Variants in KIAA0586 observed in about 807,000 individuals in gnomAD.
KIAA0586 encodes protein TALPID3.
KIAA0586 carries 144 observed loss-of-function variants against 169.8 expected under a neutral mutation model. The ratio of observed to expected loss-of-function variants is 0.85; its 90% CI spans 0.74 to 0.97. The LOEUF is 0.97. Ranked by LOEUF, KIAA0586 falls within the 50% of genes least tolerant of loss-of-function variation. KIAA0586 has a pLI of 0.00. For synonymous variants in KIAA0586, 625 were observed against 612.4 expected, an observed-to-expected ratio of 1.02 and a Z score of -0.30; for missense variants, 1,854 against 1,823.0, an observed-to-expected ratio of 1.02 and a Z score of -0.31.
At chr14:58,547,753 G>A (rs776720736) in intron 30 of KIAA0586, 28 bp from the exon 31 acceptor site, 1 of 1,591,088 alleles carries the variant, frequency 6.3e-7, no homozygotes, top group East Asian at 2.3e-5. Flanking sequence ...TACGCATGTT[G>A]AGCTGAATGA....
chr14:58,427,609 G>A, upstream of KIAA0586: 2 of 1,535,694 alleles, frequency 1.3e-6, no homozygotes, highest in Non-Finnish European at 1.7e-6. Flanking sequence ...GCACCAGAGA[G>A]CGCTTAGCTT....
Position 58,461,481 on chromosome 14 carries a change from C to G in KIAA0586, c.2059+321C>G, listed in dbSNP as rs188564550. 2.2e-4 allele frequency among the ~76,000 whole-genome samples: 33 copies of G among 151,912 alleles called. No homozygotes were observed. The East Asian group carries it at 6.2e-3, about 29-fold the overall frequency. On this transcript the variant is annotated intron_variant, in intron 14 of 30. Transcript: ENST00000652326. ...ACAAGGTCTCACCCTATCCCCCAGG[C>G]TGGAATGCAGTGGCACAATCATGGT... is the stretch of plus-strand genomic sequence containing the variant.
At chr14:58,554,768 T>C (rs574404058), downstream of KIAA0586, among the ~76,000 whole-genome samples, 3 of 152,350 alleles carry the variant, frequency 2.0e-5, no homozygotes, top group South Asian at 6.2e-4. Context: ...TCTTTGTTTT[T>C]TCTATAAACT....
intron 29 of KIAA0586, among the ~76,000 whole-genome samples, chr14:58,523,719 A>ATAT (rs542449532): frequency 0.01 from 1,534 of 149,032 alleles, 8 homozygotes; most frequent in Non-Finnish European, 0.013. Flanking sequence ...TTTTAATTGA[A>ATAT]TATTATTATT....
chr14:58,483,053 C>A (rs2042142365), intron 21 of KIAA0586, among the ~76,000 whole-genome samples: 2 of 152,166 alleles, frequency 1.3e-5, no homozygotes, highest in African/African-American at 4.8e-5. Context: ...CATCTGTACA[C>A]CCTTTACCTA....
intron 22 of KIAA0586, 129 bp downstream of exon 22, chr14:58,487,295 T>C (rs2042523493): frequency 2.5e-6 from 2 of 809,260 alleles, no homozygotes; most frequent in Admixed American, 2.9e-5. Flanking sequence ...TAGGAATTGA[T>C]TGCGACTTCT....
chr14:58,540,908 A>G (rs1354113657), intron 30 of KIAA0586, among the ~76,000 whole-genome samples: 1 of 152,208 alleles, frequency 6.6e-6, no homozygotes, highest in African/African-American at 2.4e-5. Context: ...TGATGTTGCA[A>G]ATCTGTAGGA....
intron 29 of KIAA0586, among the ~76,000 whole-genome samples, chr14:58,525,802 G>C (rs1436979007): frequency 1.3e-5 from 2 of 152,226 alleles, no homozygotes; most frequent in Admixed American, 6.5e-5. Context: ...GCAAGGTAAA[G>C]ATCCACTGGC....
chr14:58,503,748 G>T (rs1380961020), intron 27 of KIAA0586, among the ~76,000 whole-genome samples: 1 of 151,476 alleles, frequency 6.6e-6, no homozygotes, highest in Non-Finnish European at 1.5e-5. Context: ...ATAAATGCTT[G>T]CCATGTGGTG....
rs565047388 is a variant in KIAA0586 at position 58,461,109 on chromosome 14, C to T, written c.2008C>T (p.Pro670Ser). ...AGGACCATATCTCAGATTTAATTCT[C>T]CATCTCCTAAGTCCAGACCACAGAG... is the stretch of plus-strand genomic sequence containing the variant. ...KKGPYLRFNSPSPKSRPQRPK... is the reference protein window; with the variant it reads ...KKGPYLRFNSSSPKSRPQRPK... Residue 670 changes from proline to serine, a missense_variant, in exon 14 of 31, where the codon CCA (proline) becomes TCA (serine). Transcript: ENST00000652326. 3 of 1,611,040 alleles carry T rather than the reference C, an allele frequency of 1.9e-6. No homozygotes were observed. In the African/African-American group the frequency reaches 4.0e-5, roughly 22 times the overall value.
At chr14:58,484,890 T>TTATATATATATAATA (rs2042276312) in intron 21 of KIAA0586, among the ~76,000 whole-genome samples, 4 of 32,288 alleles carry the variant, frequency 1.2e-4, no homozygotes, top group African/African-American at 5.3e-4. Context: ...ATATATATAT[T>TTATATATATATAATA]TATATATATA....
At chr14:58,485,813 A>G (rs187733869) in intron 21 of KIAA0586, among the ~76,000 whole-genome samples, 1 of 152,012 alleles carries the variant, frequency 6.6e-6, no homozygotes, top group Admixed American at 6.6e-5. Flanking sequence ...TCCTTCCATT[A>G]CTTTTTATAT....
At chr14:58,473,795 T>C (rs1445791231) in intron 18 of KIAA0586, among the ~76,000 whole-genome samples, 1 of 151,658 alleles carries the variant, frequency 6.6e-6, no homozygotes, top group African/African-American at 2.4e-5. Flanking sequence ...AATGCCAGCA[T>C]CTCGGGAGGC....
At chr14:58,507,297 G>A (rs947985285) in intron 27 of KIAA0586, among the ~76,000 whole-genome samples, 3 of 143,642 alleles carry the variant, frequency 2.1e-5, no homozygotes, top group Non-Finnish European at 3.0e-5. Context: ...TATATCATGT[G>A]TATGATTTAT....
chr14:58,533,851 A>C (rs1243149932), intron 29 of KIAA0586, among the ~76,000 whole-genome samples: 1 of 152,130 alleles, frequency 6.6e-6, no homozygotes, highest in East Asian at 1.9e-4. Context: ...TTGCTATTCA[A>C]CAGAAAATCT....
chr14:58,554,881 A>C (rs2140175287), downstream of KIAA0586, among the ~76,000 whole-genome samples: 1 of 152,266 alleles, frequency 6.6e-6, no homozygotes, highest in South Asian at 2.1e-4. Context: ...TGATTGGGAC[A>C]GCTTTTGTTT....
intron 29 of KIAA0586, among the ~76,000 whole-genome samples, chr14:58,522,692 T>C (rs2045308521): frequency 6.6e-6 from 1 of 152,196 alleles, no homozygotes; most frequent in African/African-American, 2.4e-5. Context: ...AATAATTTCT[T>C]TAAAACACTG....
intron 6 of KIAA0586, among the ~76,000 whole-genome samples, chr14:58,446,921 A>G (rs1427212135): frequency 6.6e-6 from 1 of 152,150 alleles, no homozygotes; most frequent in East Asian, 1.9e-4. Context: ...TCTGTTGTTC[A>G]GGATAAAATG....
intron 4 of KIAA0586, among the ~76,000 whole-genome samples, chr14:58,437,442 G>A (rs2037920655): frequency 6.6e-6 from 1 of 152,084 alleles, no homozygotes; most frequent in Non-Finnish European, 1.5e-5. Context: ...GCCAGACAGT[G>A]GCTCATGCCT....
Sources: gnomAD v4.1 joint callset for allele counts (sites outside exome capture counted in the v4.1 genomes callset) on GRCh38, gnomAD v4.1.1 for gene constraint, MANE v1.5 for transcripts, NCBI Gene and HGNC (gene_info 2026-07-23, HGNC 2026-07-21) for gene names.